The following UGT2B17 variants were observed in gnomAD, a reference collection of about 807,000 sequenced individuals.
UGT2B17 encodes UDP glucuronosyltransferase family 2 member B17, also known as UDP-glucuronosyltransferase 2B17.
In UGT2B17, 21 loss-of-function variants were observed where a neutral mutation model predicts 48.2. The ratio of observed to expected loss-of-function variants is 0.44; its 90% CI spans 0.31 to 0.63. The LOEUF (loss-of-function observed/expected upper bound fraction) is 0.63. Ranked by LOEUF, UGT2B17 falls within the 20% of genes least tolerant of loss-of-function variation. The pLI is 0.08. For missense variants in UGT2B17, 402 were observed against 696.1 expected, an observed-to-expected ratio of 0.58 and a Z score of 4.75; for synonymous variants, 146 against 238.4, an observed-to-expected ratio of 0.61 and a Z score of 3.57.
At position 68,548,716 on chromosome 4, in the gene UGT2B17, C is replaced by G. The variant is rs1730865034; in HGVS notation, c.1313+1961G>C. Among the ~76,000 whole-genome samples, 2 of 125,260 alleles carry G rather than the reference C, an allele frequency of 1.6e-5. 1 individual carries two copies. Among genetic ancestry groups the G allele is most frequent in the Non-Finnish European group, 3.4e-5 (2 of 59,382 alleles). 82.2% of individuals were successfully genotyped at this position (125,260 alleles called of 152,430 possible). A position where few individuals can be genotyped will look rare whatever the true frequency, so the allele number is the denominator to read the frequency against. ...TCTATTTCTCCTTGAAGAGGTCCTT[C>G]ACGTACCTTGTTAGGCATATTCCTA... On this transcript the variant is annotated intron_variant, in intron 6 of 6. Transcript: ENST00000317746.
rs190311611 is a variant in UGT2B17, at chr4:68,541,500, T to G, written c.1314-3596A>C. 7.9e-5 allele frequency among the ~76,000 whole-genome samples: 10 copies of G among 126,668 alleles called. 1 individual carries two copies. Among genetic ancestry groups the G allele is most frequent in the African/African-American group, 2.4e-4 (9 of 37,148 alleles). The allele number at this position is 126,668 out of a possible 152,430, so 83.1% of individuals were successfully genotyped here. On this transcript the variant is annotated intron_variant, in intron 6 of 6. Coordinates refer to ENST00000317746, the MANE Select transcript of UGT2B17 (RefSeq NM_001077.4). ...CCCACTTTTTGGTGGTGGTGTTTTTTTTCTTGTAAATTTGTTTAAGTTACT... is the reference window on the plus strand; with the variant it reads ...CCCACTTTTTGGTGGTGGTGTTTTTGTTCTTGTAAATTTGTTTAAGTTACT...
At chr4:68,548,156 C>A (rs1447117417) in intron 6 of UGT2B17, among the ~76,000 whole-genome samples, 2 of 126,542 alleles carry the variant, frequency 1.6e-5, no homozygotes, top group African/African-American at 2.7e-5. Flanking sequence ...TTCACAATAG[C>A]AAAGACTTGG....
Position 68,556,326 on chromosome 4 carries a change from TC to T in UGT2B17, c.1005+4210del, listed in dbSNP as rs1412918812. Among the ~76,000 whole-genome samples the T allele has an allele frequency of 7.3e-5, 9 of 123,558 alleles. 1 individual carries two copies. The highest frequency in any genetic ancestry group is 5.0e-4 in the Admixed American group (6 of 11,956). 81.1% of individuals were successfully genotyped at this position (123,558 alleles called of 152,430 possible). ...GCATCTCACTGTTTTTGGTTTTCTC[TC>T]CCCTTTTAAAGGGTGTGAAATAGTA... On this transcript the variant is annotated intron_variant, in intron 4 of 6. Coordinates refer to ENST00000317746, the MANE Select transcript of UGT2B17 (RefSeq NM_001077.4).
chr4:68,539,356 T>A (rs1446830275), intron 6 of UGT2B17, among the ~76,000 whole-genome samples: 2 of 125,806 alleles, frequency 1.6e-5, no homozygotes, highest in Non-Finnish European at 3.4e-5. Flanking sequence ...TTAGCAGTTG[T>A]TTAATTGCAC....
rs1471373058 is a variant in UGT2B17, at chr4:68,555,902, A to G, written c.1006-3991T>C. Among the ~76,000 whole-genome samples, 3 of 106,020 alleles carry G rather than the reference A, an allele frequency of 2.8e-5. 1 individual carries two copies. Among genetic ancestry groups the G allele is most frequent in the African/African-American group, 9.2e-5 (3 of 32,478 alleles). 69.6% of individuals were successfully genotyped at this position (106,020 alleles called of 152,430 possible). On this transcript the variant is annotated intron_variant, in intron 4 of 6. Coordinates refer to ENST00000317746, the MANE Select transcript of UGT2B17 (RefSeq NM_001077.4). ...GAACCAGGAAGTAAGGGAGATGTAAAGAAAGTTATAAAAATAAAAAGTTTT... is the reference window on the plus strand; with the variant it reads ...GAACCAGGAAGTAAGGGAGATGTAAGGAAAGTTATAAAAATAAAAAGTTTT...
At chr4:68,562,860 C>G (rs1443914066) in intron 3 of UGT2B17, among the ~76,000 whole-genome samples, 1 of 125,956 alleles carries the variant, frequency 7.9e-6, no homozygotes. Context: ...AAATTGTGAT[C>G]TTGTTCTACT....
In UGT2B17 at chr4:68,547,705, C is replaced by A. The variant is rs548343519; in HGVS notation, c.1313+2972G>T. Among the ~76,000 whole-genome samples the A allele has an allele frequency of 2.2e-4, 23 of 102,948 alleles. 8 individuals carry two copies. In the South Asian group the frequency reaches 0.013, roughly 56 times the overall value. 67.5% of individuals were successfully genotyped at this position (102,948 alleles called of 152,430 possible). A position where few individuals can be genotyped will look rare whatever the true frequency, so the allele number is the denominator to read the frequency against. On this transcript the variant is annotated intron_variant, in intron 6 of 6. Transcript: ENST00000317746. ...ACAAAGGGCTAATATCCAGAATCTACAATGAACTCAAACAAATTTACAAGA... is the reference window on the plus strand; with the variant it reads ...ACAAAGGGCTAATATCCAGAATCTAAAATGAACTCAAACAAATTTACAAGA...
intron 6 of UGT2B17, among the ~76,000 whole-genome samples, chr4:68,547,764 AG>A (rs1730843575): frequency 7.9e-6 from 1 of 126,904 alleles, no homozygotes; most frequent in Admixed American, 8.1e-5. Context: ...TTGTGGGTGA[AG>A]GAAATGAACA....
intron 4 of UGT2B17, among the ~76,000 whole-genome samples, chr4:68,556,354 C>G (rs1437436581): frequency 8.2e-6 from 1 of 122,094 alleles, no homozygotes; most frequent in Non-Finnish European, 1.7e-5. Flanking sequence ...GAAATAGTAA[C>G]ACTCTCCTTC....
chr4:68,568,224 T>G lies in UGT2B17; in HGVS notation c.261A>C (p.Glu87Asp). Residue 87 changes from glutamate to aspartate, a missense_variant, in exon 2 of 7, where the codon GAA becomes GAC. Physicochemically the swap from Glu to Asp is conservative, Grantham distance 45. Transcript: ENST00000317746. ...TATCGAACATTTTCATAAAAAAATCTTCCAAATCATTTTTAGTTAAAGATG... is the reference window on the plus strand; with the variant it reads ...TATCGAACATTTTCATAAAAAAATCGTCCAAATCATTTTTAGTTAAAGATG... ...YPTSLTKNDL[E>D]DFFMKMFDRW... The G allele has an allele frequency of 7.3e-7, 1 of 1,373,072 alleles. No individual in the cohort carries two copies. The highest frequency in any genetic ancestry group is 9.5e-7 in the Non-Finnish European group (1 of 1,052,964). 85.1% of individuals were successfully genotyped at this position (1,373,072 alleles called of 1,614,324 possible).
Position 68,551,554 on chromosome 4 carries a change from A to T in UGT2B17, c.1093+270T>A, listed in dbSNP as rs1363387876. On this transcript the variant is annotated intron_variant, in intron 5 of 6. Transcript: ENST00000317746. ...AGAAATAAGAGACAGAAAATCCAGG[A>T]TGTTATTTAAAACCTGTGAGAGGTA... Among the ~76,000 whole-genome samples, 2 of 125,570 alleles carry T rather than the reference A, an allele frequency of 1.6e-5. 1 individual carries two copies. Among genetic ancestry groups the T allele is most frequent in the Non-Finnish European group, 3.4e-5 (2 of 59,344 alleles). 82.4% of individuals were successfully genotyped at this position (125,570 alleles called of 152,430 possible). A position where few individuals can be genotyped will look rare whatever the true frequency, so the allele number is the denominator to read the frequency against.
In UGT2B17 at chr4:68,543,229, C is replaced by A. The variant is rs776749958; in HGVS notation, c.1314-5325G>T. On this transcript the variant is annotated intron_variant, in intron 6 of 6. Transcript: ENST00000317746. ...ACACCTCACACAGCCGGGTACTCCT[C>A]TGAGAAAACTTCCAGAGGAACAATC... 1.6e-5 allele frequency among the ~76,000 whole-genome samples: 2 copies of A among 125,112 alleles called. 1 individual carries two copies. The highest frequency in any genetic ancestry group is 3.4e-5 in the Non-Finnish European group (2 of 59,148). 82.1% of individuals were successfully genotyped at this position (125,112 alleles called of 152,430 possible).
intron 4 of UGT2B17, among the ~76,000 whole-genome samples, 192 bp from the exon 5 acceptor site, chr4:68,552,103 A>G (rs749564628): frequency 7.9e-6 from 1 of 126,886 alleles, no homozygotes; most frequent in African/African-American, 2.7e-5. Context: ...CTTTACTTTT[A>G]TAATCAATTT....
chr4:68,572,613 T>C lies in UGT2B17; in HGVS notation c.-65+3338A>G, dbSNP rs1731313201. Among the ~76,000 whole-genome samples, 2 of 126,692 alleles carry C rather than the reference T, an allele frequency of 1.6e-5. 1 individual carries two copies. Among genetic ancestry groups the C allele is most frequent in the African/African-American group, 5.4e-5 (2 of 36,980 alleles). The allele number at this position is 126,692 out of a possible 152,430, so 83.1% of individuals were successfully genotyped here. ...GATCATGGAAGGCAATTAGCTCTTT[T>C]ATAATAACCATAAAGTAATTAGCTC... On this transcript the variant is annotated intron_variant, in intron 1 of 6. Transcript: ENST00000317746.
rs1210130062 is a variant in UGT2B17, at chr4:68,554,329, C to G, written c.1006-2418G>C. ...CCTGTTTGGATTTATGACACCTCTA[C>G]TTGGCAGAGTTTATGTAAAATGAAG... is the stretch of plus-strand genomic sequence containing the variant. On this transcript the variant is annotated intron_variant, in intron 4 of 6. Coordinates refer to ENST00000317746, the MANE Select transcript of UGT2B17 (RefSeq NM_001077.4). 4.7e-5 allele frequency among the ~76,000 whole-genome samples: 6 copies of G among 126,522 alleles called. 2 individuals are homozygous for G. The highest frequency in any genetic ancestry group is 1.6e-4 in the African/African-American group (6 of 37,088). 83.0% of individuals were successfully genotyped at this position (126,522 alleles called of 152,430 possible). A position where few individuals can be genotyped will look rare whatever the true frequency, so the allele number is the denominator to read the frequency against.
rs529011479 is a variant in UGT2B17 at position 68,558,293 on chromosome 4, T to A, written c.1005+2244A>T. Among the ~76,000 whole-genome samples, 14 of 124,858 alleles carry A rather than the reference T, an allele frequency of 1.1e-4. 4 individuals are homozygous for A. Among genetic ancestry groups the A allele is most frequent in the African/African-American group, 3.8e-4 (14 of 36,958 alleles). 81.9% of individuals were successfully genotyped at this position (124,858 alleles called of 152,430 possible). ...TCAATTTTTATTACTGTCTACAGTT[T>A]GGACTGAATTCTAATTTTTCATGGC... On this transcript the variant is annotated intron_variant, in intron 4 of 6. Coordinates refer to ENST00000317746, the MANE Select transcript of UGT2B17 (RefSeq NM_001077.4).
Position 68,571,063 on chromosome 4 carries a change from G to A in UGT2B17, c.-64-2515C>T, listed in dbSNP as rs1402795355. Among the ~76,000 whole-genome samples the A allele has an allele frequency of 8.8e-5, 11 of 125,472 alleles. 2 individuals carry two copies. The highest frequency in any genetic ancestry group is 3.4e-5 in the Non-Finnish European group (2 of 59,412). 82.3% of individuals were successfully genotyped at this position (125,472 alleles called of 152,430 possible). A position where few individuals can be genotyped will look rare whatever the true frequency, so the allele number is the denominator to read the frequency against. ...GGGCAAGAACGGTCAAGGCTTGACC[G>A]GTTTTATTAGTAAAAATTTCTAAAA... On this transcript the variant is annotated intron_variant, in intron 1 of 6. Coordinates refer to ENST00000317746, the MANE Select transcript of UGT2B17 (RefSeq NM_001077.4).
At chr4:68,564,055 A>G (rs1731149708) in intron 3 of UGT2B17, among the ~76,000 whole-genome samples, 1 of 124,200 alleles carries the variant, frequency 8.1e-6, no homozygotes. Context: ...TCCACACAAC[A>G]CAATATGAAG....
Position 68,568,164 on chromosome 4 carries a change from C to T in UGT2B17, c.321G>A (p.Trp107Ter), listed in dbSNP as rs200575231. 1.4e-6 allele frequency: 2 copies of T among 1,379,588 alleles called. No individual in the cohort carries two copies. Among genetic ancestry groups the T allele is most frequent in the Non-Finnish European group, 1.9e-6 (2 of 1,054,006 alleles). The allele number at this position is 1,379,588 out of a possible 1,614,324, so 85.5% of individuals were successfully genotyped here. The change falls in exon 2 of 7, where the codon TGG (tryptophan) becomes TGA (stop). Residue 107 changes from tryptophan to a stop codon, truncating the protein, a stop_gained. Transcript: ENST00000317746. LOFTEE classifies it high-confidence loss of function. The stretch of plus-strand genomic sequence containing the variant: ...ATTCTTGTAGTTGTGAAAAATATGA[C>T]CAAAATGTATTTTTTGAAATACTAT... ...WTYSISKNTF[W>*]SYFSQLQELC...
Sources: gnomAD v4.1 joint callset for allele counts (sites outside exome capture counted in the v4.1 genomes callset) on GRCh38, gnomAD v4.1.1 for gene constraint, MANE v1.5 for transcripts, NCBI Gene and HGNC (gene_info 2026-07-23, HGNC 2026-07-21) for gene names.